The following ITGA9 variants were observed in gnomAD, a reference collection of about 807,000 sequenced individuals.
ITGA9 encodes integrin subunit alpha 9.
In ITGA9, 56 loss-of-function variants were observed where a neutral mutation model predicts 127.8. That is an observed-to-expected ratio of 0.44 (90% CI 0.35 to 0.55). The LOEUF (loss-of-function observed/expected upper bound fraction) is 0.55, where lower values mean the gene tolerates loss of function less well. Among genes scored for constraint, ITGA9 ranks in the 20% least tolerant of loss-of-function variants. The pLI is 0.00. For synonymous variants in ITGA9, 508 were observed against 514.5 expected, an observed-to-expected ratio of 0.99 and a Z score of 0.17; for missense variants, 1,196 against 1,347.1, an observed-to-expected ratio of 0.89 and a Z score of 1.76.
At chr3:37,704,536 G>A (rs1038765978) in intron 18 of ITGA9, among the ~76,000 whole-genome samples, 1 of 152,194 alleles carries the variant, frequency 6.6e-6, no homozygotes, top group Non-Finnish European at 1.5e-5. Flanking sequence ...TGGAAGTAGA[G>A]TATGATGTGA....
intron 7 of ITGA9, 137 bp from the exon 8 acceptor site, chr3:37,508,422 T>C: frequency 1.4e-6 from 1 of 699,514 alleles, no homozygotes. Flanking sequence ...GACTTCTTCA[T>C]GATCATCAGC....
At chr3:37,658,369 C>T (rs1700498472) in intron 17 of ITGA9, among the ~76,000 whole-genome samples, 1 of 152,132 alleles carries the variant, frequency 6.6e-6, no homozygotes, top group Admixed American at 6.5e-5. Flanking sequence ...CTGTGTGCTC[C>T]TGTATTGGGT....
intron 10 of ITGA9, among the ~76,000 whole-genome samples, chr3:37,518,093 C>CGTGTGTGTGTGTGTGTGTGTGTGT (rs55842055): frequency 0.018 from 2,648 of 144,122 alleles, 70 homozygotes; most frequent in Non-Finnish European, 0.023. Context: ...AGAGTGTACG[C>CGTGTGTGTGTGTGTGTGTGTGTGT]GTGTGTGTGT....
In ITGA9 at chr3:37,490,987, T is replaced by A. The variant is rs547366545; in HGVS notation, c.545-3514T>A. ...GGCTTCCCCCCCGCTTTTTTTTTTTTTTTTTTTGAGACCGAATCTGGCTCT... is the reference window on the plus strand; with the variant it reads ...GGCTTCCCCCCCGCTTTTTTTTTTTATTTTTTTGAGACCGAATCTGGCTCT... On this transcript the variant is annotated intron_variant, in intron 4 of 27. Transcript: ENST00000264741. Among the ~76,000 whole-genome samples, 12 of 142,536 alleles carry A rather than the reference T, an allele frequency of 8.4e-5. 1 individual carries two copies. In the South Asian group the frequency reaches 3.2e-3, roughly 38 times the overall value. 93.5% of individuals were successfully genotyped at this position (142,536 alleles called of 152,430 possible).
intron 27 of ITGA9, among the ~76,000 whole-genome samples, chr3:37,813,905 T>A (rs577645761): frequency 1.3e-5 from 2 of 152,300 alleles, no homozygotes; most frequent in Admixed American, 1.3e-4. Context: ...ACTATAAAAG[T>A]TAAATAAGTG....
chr3:37,454,876 A>G (rs572905055), intron 1 of ITGA9, among the ~76,000 whole-genome samples: 1 of 151,854 alleles, frequency 6.6e-6, no homozygotes, highest in African/African-American at 2.4e-5. Context: ...TGTGTTTTTT[A>G]CCCAGGCTTG....
At chr3:37,722,449 C>G (rs1701200255) in intron 18 of ITGA9, among the ~76,000 whole-genome samples, 1 of 152,204 alleles carries the variant, frequency 6.6e-6, no homozygotes, top group South Asian at 2.1e-4. Flanking sequence ...CACCATACTT[C>G]TTAGCTGTCG....
At chr3:37,483,859 C>T (rs1698581766) in intron 4 of ITGA9, among the ~76,000 whole-genome samples, 1 of 152,230 alleles carries the variant, frequency 6.6e-6, no homozygotes, top group South Asian at 2.1e-4. Flanking sequence ...TGCCCCAGGT[C>T]ACTCAAACAA....
chr3:37,518,481 G>A (rs1165919564), intron 10 of ITGA9, among the ~76,000 whole-genome samples: 2 of 152,200 alleles, frequency 1.3e-5, no homozygotes. Flanking sequence ...GTTTGTGAGA[G>A]TAATGTTATT....
chr3:37,622,892 C>G (rs1201200340), intron 15 of ITGA9, among the ~76,000 whole-genome samples: 1 of 152,014 alleles, frequency 6.6e-6, no homozygotes, highest in African/African-American at 2.4e-5. Flanking sequence ...TACAGTATGT[C>G]AGTCATTATA....
At chr3:37,723,546 G>C (rs550969863) in intron 18 of ITGA9, among the ~76,000 whole-genome samples, 4 of 152,116 alleles carry the variant, frequency 2.6e-5, no homozygotes, top group Non-Finnish European at 5.9e-5. Flanking sequence ...GTTTTTAGTA[G>C]AGACAGGGTT....
intron 26 of ITGA9, among the ~76,000 whole-genome samples, chr3:37,786,739 G>A (rs902167263): frequency 3.3e-5 from 5 of 152,250 alleles, no homozygotes; most frequent in African/African-American, 1.2e-4. Context: ...TCCTGAATGA[G>A]TGAGGGGTTG....
intron 1 of ITGA9, among the ~76,000 whole-genome samples, chr3:37,466,868 G>A (rs1424492817): frequency 2.6e-5 from 4 of 152,206 alleles, no homozygotes; most frequent in African/African-American, 9.6e-5. Flanking sequence ...GGTAACCATA[G>A]CAGAAAGGAA....
intron 16 of ITGA9, among the ~76,000 whole-genome samples, chr3:37,630,058 G>A (rs1429946533): frequency 2.0e-5 from 3 of 152,202 alleles, no homozygotes; most frequent in Admixed American, 6.5e-5. Flanking sequence ...GGAAGATCAG[G>A]AAAAACTGTG....
intron 1 of ITGA9, among the ~76,000 whole-genome samples, chr3:37,470,660 G>A (rs1207714118): frequency 5.9e-5 from 9 of 152,118 alleles, no homozygotes; most frequent in Non-Finnish European, 1.2e-4. Flanking sequence ...AAAAGCGTGC[G>A]CTGCCTTGCC....
chr3:37,691,979 T>C (rs1458163545), intron 18 of ITGA9, among the ~76,000 whole-genome samples: 1 of 152,134 alleles, frequency 6.6e-6, no homozygotes, highest in Non-Finnish European at 1.5e-5. Context: ...AGGCAACCAG[T>C]GTGAAATAGA....
At chr3:37,698,008 C>A (rs1380098390) in intron 18 of ITGA9, among the ~76,000 whole-genome samples, 2 of 152,174 alleles carry the variant, frequency 1.3e-5, no homozygotes, top group East Asian at 1.9e-4. Context: ...GGTTTCCTGA[C>A]TTTTTAATGA....
intron 18 of ITGA9, among the ~76,000 whole-genome samples, chr3:37,723,469 TTCCACCTCAG>T (rs1559578996): frequency 1.3e-5 from 2 of 152,210 alleles, no homozygotes; most frequent in Non-Finnish European, 2.9e-5. Flanking sequence ...CAATTGATCC[TTCCACCTCAG>T]CCTCCCAAGT....
chr3:37,765,496 G>A (rs1259810819), intron 23 of ITGA9, among the ~76,000 whole-genome samples: 2 of 152,056 alleles, frequency 1.3e-5, no homozygotes, highest in African/African-American at 4.8e-5. Context: ...TTCTGCACAT[G>A]TATGAATGCA....
Sources: allele counts gnomAD v4.1 joint callset (sites outside exome capture counted in the v4.1 genomes callset), GRCh38; gene constraint gnomAD v4.1.1; transcripts MANE v1.5; gene names NCBI Gene and HGNC (gene_info 2026-07-23, HGNC 2026-07-21).